XRN1: variants seen among roughly 807,000 people sequenced by gnomAD.
XRN1 encodes the protein 5'-3' exoribonuclease 1.
A neutral mutation model predicts 222.3 loss-of-function variants in XRN1; 67 were observed. The ratio of observed to expected loss-of-function variants is 0.30; its 90% CI spans 0.25 to 0.37. The LOEUF is 0.37. Ranked by LOEUF, XRN1 falls within the 10% of genes least tolerant of loss-of-function variation. The probability of loss-of-function intolerance (pLI) is 1.00; values close to 1 mark genes in which losing one functional copy is unlikely to be tolerated. For synonymous variants in XRN1, 643 were observed against 652.4 expected, an observed-to-expected ratio of 0.99 and a Z score of 0.22; for missense variants, 1,707 against 2,000.2, an observed-to-expected ratio of 0.85 and a Z score of 2.80.
At chr3:142,326,193 C>T (rs972961326) in intron 37 of XRN1, among the ~76,000 whole-genome samples, 12 of 149,844 alleles carry the variant, frequency 8.0e-5, no homozygotes, top group African/African-American at 1.7e-4. Context: ...AGAATGTCAT[C>T]GGTATTTTGA....
chr3:142,343,226 C>T (rs2066046627), intron 33 of XRN1, among the ~76,000 whole-genome samples: 1 of 151,986 alleles, frequency 6.6e-6, no homozygotes, highest in Admixed American at 6.6e-5. Flanking sequence ...GAGGCCGAGG[C>T]ATGTGGATCA....
At chr3:142,344,364 A>G (rs1459459933) in intron 33 of XRN1, among the ~76,000 whole-genome samples, 1 of 152,166 alleles carries the variant, frequency 6.6e-6, no homozygotes, top group Non-Finnish European at 1.5e-5. Flanking sequence ...CCTACTATGT[A>G]TCCACAAAAA....
At chr3:142,401,417 GT>G (rs1275649181) in intron 18 of XRN1, among the ~76,000 whole-genome samples, 4 of 152,118 alleles carry the variant, frequency 2.6e-5, no homozygotes, top group African/African-American at 9.7e-5. Context: ...AAAAATTCTA[GT>G]TTTAAGAAAC....
intron 1 of XRN1, among the ~76,000 whole-genome samples, chr3:142,436,742 T>C (rs1158224967): frequency 6.6e-6 from 1 of 152,156 alleles, no homozygotes; most frequent in African/African-American, 2.4e-5. Flanking sequence ...ATGCATAATA[T>C]ATATCATCAA....
At chr3:142,381,272 A>G (rs1004101940) in intron 22 of XRN1, among the ~76,000 whole-genome samples, 3 of 152,164 alleles carry the variant, frequency 2.0e-5, no homozygotes, top group South Asian at 2.1e-4. Context: ...CCTGACCTCA[A>G]TATTTCAGTG....
Position 142,356,916 on chromosome 3 carries a change from G to A in XRN1, c.3668C>T (p.Thr1223Ile). ...NHSPQSLFVP[T>I]QVPTKDDDEF... ...GTTAAAGACTGAGAGTCTTACTTGA[G>A]TAGGAACAAAAAGTGATTGAGGGGA... is the stretch of plus-strand genomic sequence containing the variant. Residue 1223 changes from threonine (T) to isoleucine (I), a missense_variant, in exon 31 of 41, where the codon ACT becomes ATT. This residue lies in a region of XRN1 where 1,234 missense variants were observed against 1,518.2 expected (regional missense o/e 0.81). Transcript: ENST00000392981. 6.2e-7 allele frequency: 1 copy of A among 1,613,856 alleles called. No homozygotes were observed. The highest frequency in any genetic ancestry group is 8.5e-7 in the Non-Finnish European group (1 of 1,179,830).
At chr3:142,425,636 G>T in intron 3 of XRN1, 98 bp from the exon 4 acceptor site, 2 of 960,378 alleles carry the variant, frequency 2.1e-6, no homozygotes, top group Non-Finnish European at 3.2e-6. Flanking sequence ...GCCGGGAATA[G>T]CTAGGTAGGT....
In XRN1 at chr3:142,413,587, T is replaced by C. The variant is rs1054621553; in HGVS notation, c.1593+548A>G. 6.6e-5 allele frequency among the ~76,000 whole-genome samples: 10 copies of C among 152,350 alleles called. No homozygotes were observed. In the South Asian group the frequency reaches 1.0e-3, roughly 16 times the overall value. On this transcript the variant is annotated intron_variant, in intron 14 of 40. Transcript: ENST00000392981. ...AAGTATAACTTCAGAATCACCTTAG[T>C]AGGCTTAGCGTAATTTTGGTAACCT...
Position 142,431,868 on chromosome 3 carries a change from T to TA in XRN1, c.308+792dup, listed in dbSNP as rs1559879324. On this transcript the variant is annotated intron_variant, in intron 2 of 40. Transcript: ENST00000392981. Reference sequence around the variant, plus strand: ...AAAAATATATATATTATATATAATATATTATATTATATATATTATATATAA... The same window carrying TA: ...AAAAATATATATATTATATATAATATAATTATATTATATATATTATATATAA... Among the ~76,000 whole-genome samples, 239 of 30,756 alleles carry TA rather than the reference T, an allele frequency of 7.8e-3. 4 individuals carry two copies. Among genetic ancestry groups the TA allele is most frequent in the African/African-American group, 0.074 (235 of 3,196 alleles). The allele number at this position is 30,756 out of a possible 152,430, so 20.2% of individuals were successfully genotyped here.
chr3:142,448,031 C>T lies in XRN1; in HGVS notation c.-87G>A, dbSNP rs1288616504. 7.0e-7 allele frequency: 1 copy of T among 1,428,766 alleles called. No homozygotes were observed. Among genetic ancestry groups the T allele is most frequent in the Non-Finnish European group, 9.8e-7 (1 of 1,024,082 alleles). 88.5% of individuals were successfully genotyped at this position (1,428,766 alleles called of 1,614,324 possible). On this transcript the variant is annotated 5_prime_UTR_variant, in exon 1 of 41. Transcript: ENST00000392981. ...CCGCCGCAGCCTCCGGTCGTCGCTC[C>T]GCGGATGACAACACACCGCCCGGCC...
rs189396126 is a variant in XRN1 at position 142,346,738 on chromosome 3, C to T, written c.3877+496G>A. ...TCAAGTGATCTGCCTGCCTTGGCCT[C>T]CCAAAGTGCTGGGATTACAGGCATG... On this transcript the variant is annotated intron_variant, in intron 33 of 40. Transcript: ENST00000392981. 9.2e-5 allele frequency among the ~76,000 whole-genome samples: 14 copies of T among 152,264 alleles called. No individual in the cohort carries two copies. In the East Asian group the frequency reaches 2.7e-3, roughly 29 times the overall value.
intron 23 of XRN1, among the ~76,000 whole-genome samples, chr3:142,378,349 C>A (rs1056844510): frequency 1.3e-5 from 2 of 152,092 alleles, no homozygotes; most frequent in African/African-American, 4.8e-5. Context: ...TCACTTCCAA[C>A]TAAAAATGCA....
At chr3:142,345,695 C>G (rs924644706) in intron 33 of XRN1, among the ~76,000 whole-genome samples, 1 of 151,956 alleles carries the variant, frequency 6.6e-6, no homozygotes, top group Non-Finnish European at 1.5e-5. Flanking sequence ...AGAACTCTTA[C>G]AAACCAAGAA....
At chr3:142,364,953 G>A in intron 29 of XRN1, 94 bp downstream of exon 29, 1 of 1,296,236 alleles carries the variant, frequency 7.7e-7, no homozygotes, top group East Asian at 2.7e-5. Context: ...CTGATTTATA[G>A]TCACTTTCTG....
intron 29 of XRN1, among the ~76,000 whole-genome samples, chr3:142,363,606 G>T (rs954250538): frequency 6.6e-6 from 1 of 150,890 alleles, no homozygotes; most frequent in African/African-American, 2.5e-5. Context: ...GCTTTGTAAA[G>T]TTTACTCTAG....
intron 1 of XRN1, among the ~76,000 whole-genome samples, chr3:142,436,311 T>C (rs1334229998): frequency 1.2e-4 from 19 of 152,336 alleles, no homozygotes; most frequent in Admixed American, 1.2e-3. Context: ...GCATTTATTA[T>C]GCAATTATTA....
At chr3:142,326,345 G>A (rs1470993438) in intron 37 of XRN1, among the ~76,000 whole-genome samples, 3 of 151,852 alleles carry the variant, frequency 2.0e-5, no homozygotes, top group Non-Finnish European at 2.9e-5. Context: ...TTTATAATAA[G>A]TTTTCATTGT....
chr3:142,361,887 AAG>A (rs1380627961), intron 29 of XRN1, among the ~76,000 whole-genome samples: 5 of 141,368 alleles, frequency 3.5e-5, no homozygotes, highest in East Asian at 2.0e-4. Context: ...GTGTCTTTTG[AAG>A]AGAGTTTTTT....
intron 32 of XRN1, among the ~76,000 whole-genome samples, chr3:142,348,878 G>A (rs1373235326): frequency 6.6e-6 from 1 of 152,142 alleles, no homozygotes; most frequent in East Asian, 1.9e-4. Context: ...GGGCTTAAGT[G>A]TTCCTCCTGC....
Sources: allele counts gnomAD v4.1 joint callset (sites outside exome capture counted in the v4.1 genomes callset), GRCh38; gene constraint gnomAD v4.1.1; regional missense constraint gnomAD v4.1.1; transcripts MANE v1.5; gene names NCBI Gene and HGNC (gene_info 2026-07-23, HGNC 2026-07-21).